EXTL1: variants seen among roughly 807,000 people sequenced by gnomAD.
The protein encoded by EXTL1 is exostosin-like 1.
Under a neutral mutation model 64.6 loss-of-function variants are expected in EXTL1, and 43 were observed. The ratio of observed to expected loss-of-function variants is 0.67; its 90% CI spans 0.52 to 0.86. The LOEUF (loss-of-function observed/expected upper bound fraction) is 0.86. EXTL1 is among the 40% of genes least tolerant of loss of function. The pLI is 0.00. For missense variants in EXTL1, 766 were observed against 879.0 expected (o/e 0.87, Z 1.62); for synonymous variants, 352 against 360.5 (o/e 0.98, Z 0.27).
chr1:26,033,941 G>GCCTTTTTTAATGAT lies in EXTL1; in HGVS notation c.1679+85_1679+86insCCTTTTTTAATGAT. On this transcript the variant is annotated intron_variant, in intron 9 of 10. Transcript: ENST00000374280. This position sits in a 1 kb window ranked among gnomAD's most constrained non-coding sequence, Gnocchi z 5.1. ...ACCCCGAACGGAGCAGAGTGGCCTA[G>GCCTTTTTTAATGAT]ACCCCAGGGATCCAGGTTCAAGGCC... 7.7e-7 allele frequency: 1 copy of GCCTTTTTTAATGAT among 1,298,862 alleles called. No homozygotes were observed. The highest frequency in any genetic ancestry group is 1.0e-6 in the Non-Finnish European group (1 of 970,572). The allele number at this position is 1,298,862 out of a possible 1,614,324, so 80.5% of individuals were successfully genotyped here. A position where few individuals can be genotyped will look rare whatever the true frequency, so the allele number is the denominator to read the frequency against.
chr1:26,032,867 T>A (rs2050302812), intron 7 of EXTL1, among the ~76,000 whole-genome samples: 1 of 152,198 alleles, frequency 6.6e-6, no homozygotes, highest in South Asian at 2.1e-4. Flanking sequence ...GCAAGTCCCT[T>A]CGTCTCTCTA....
At chr1:26,031,919 AG>A (rs1490701134) in intron 6 of EXTL1, among the ~76,000 whole-genome samples, 1 of 152,228 alleles carries the variant, frequency 6.6e-6, no homozygotes, top group Non-Finnish European at 1.5e-5. Context: ...AGCATTTTCC[AG>A]CACACAGACT....
At chr1:26,030,618 G>A in intron 4 of EXTL1, 23 bp downstream of exon 4, 1 of 1,591,734 alleles carries the variant, frequency 6.3e-7, no homozygotes, top group Non-Finnish European at 8.6e-7. Context: ...ACCTGATGGG[G>A]GTCCTGGCTC....
intron 6 of EXTL1, 89 bp downstream of exon 6, chr1:26,031,655 G>T: frequency 1.4e-6 from 1 of 694,208 alleles, no homozygotes. Context: ...CCCCAAAGAT[G>T]ACCACTATTT....
Position 26,022,569 on chromosome 1 carries a change from C to G in EXTL1, c.-78C>G, listed in dbSNP as rs1490209512. 4 of 1,284,704 alleles carry G rather than the reference C, an allele frequency of 3.1e-6. No individual in the cohort carries two copies. Among genetic ancestry groups the G allele is most frequent in the African/African-American group, 3.0e-5 (2 of 67,236 alleles). 79.6% of individuals were successfully genotyped at this position (1,284,704 alleles called of 1,614,324 possible). ...CTAGCAGGTCGGTCCCAGCTCTGGT[C>G]TCCCGCCCCAGGCCCTGCTCTTCCT... On this transcript the variant is annotated 5_prime_UTR_variant, in exon 1 of 11. Coordinates refer to ENST00000374280, the MANE Select transcript of EXTL1 (RefSeq NM_004455.3).
chr1:26,030,355 T>G, intron 3 of EXTL1, 121 bp from the exon 4 acceptor site: 1 of 565,520 alleles, frequency 1.8e-6, no homozygotes, highest in Non-Finnish European at 2.7e-6. Context: ...TTTTTTGAGA[T>G]AGGATCTTGC....
At position 26,033,853 on chromosome 1, in the gene EXTL1, A is replaced by AT. The variant is rs774187781; in HGVS notation, c.1677dup (p.Arg560Ter). On this transcript the variant is annotated frameshift_variant, in exon 9 of 11. Coordinates refer to ENST00000374280, the MANE Select transcript of EXTL1 (RefSeq NM_004455.3). LOFTEE classifies it high-confidence loss of function. The surrounding 1 kb of genome is among the most constrained non-coding windows in gnomAD (Gnocchi z 5.1). ...GTTCTCACCACAGCCGCCTTCTACC[A>AT]TAGGTACAGACCCCTACCCTGCACA... 6.2e-7 allele frequency: 1 copy of AT among 1,613,356 alleles called. No homozygotes were observed. The highest frequency in any genetic ancestry group is 1.1e-5 in the South Asian group (1 of 90,998).
rs2050322231 is a variant in EXTL1 at position 26,034,839 on chromosome 1, T to C, written c.1683T>C (p.Tyr561=). Residue 561 remains tyrosine, a synonymous_variant, in exon 10 of 11, where the codon TAT becomes TAC. Coordinates refer to ENST00000374280, the MANE Select transcript of EXTL1 (RefSeq NM_004455.3). The surrounding 1 kb of genome is among the most constrained non-coding windows in gnomAD (Gnocchi z 4.6). ...CCTGTCTTTTCCTCTTGCCCAGGTATTACCACACTCTCTTCACCCACTCCC... is the reference window on the plus strand; with the variant it reads ...CCTGTCTTTTCCTCTTGCCCAGGTACTACCACACTCTCTTCACCCACTCCC... ...VLTTAAFYHR[Y]YHTLFTHSLP... 1.2e-6 allele frequency: 2 copies of C among 1,613,518 alleles called. No homozygotes were observed. The highest frequency in any genetic ancestry group is 2.2e-5 in the South Asian group (2 of 91,042).
rs2050160324 is a variant in EXTL1, at chr1:26,022,422, C to T, written c.-225C>T. 3 of 504,340 alleles carry T rather than the reference C, an allele frequency of 5.9e-6. No homozygotes were observed. The highest frequency in any genetic ancestry group is 3.8e-5 in the Admixed American group (1 of 26,388). 31.2% of individuals were successfully genotyped at this position (504,340 alleles called of 1,614,324 possible). A position where few individuals can be genotyped will look rare whatever the true frequency, so the allele number is the denominator to read the frequency against. On this transcript the variant is annotated 5_prime_UTR_variant, in exon 1 of 11. Coordinates refer to ENST00000374280, the MANE Select transcript of EXTL1 (RefSeq NM_004455.3). Reference sequence around the variant, plus strand: ...GAGTCCTGAGAGCAGGGGGGCCAGGCCAGCAAGCTGGGTCCCACCTGGCCT... The same window carrying T: ...GAGTCCTGAGAGCAGGGGGGCCAGGTCAGCAAGCTGGGTCCCACCTGGCCT...
rs1282687192 is a variant in EXTL1 at position 26,032,460 on chromosome 1, T to C, written c.1406T>C (p.Leu469Ser). ...AGGTGGCCGGAGACAGCTGTGCCCT[T>C]GACAGTCATTGATGGGCACAGGAAG... Reference protein sequence around the residue: ...PSRWPETAVPLTVIDGHRKVS... With the variant: ...PSRWPETAVPSTVIDGHRKVS... Residue 469 changes from leucine to serine, a missense_variant, in exon 7 of 11, where the codon TTG (leucine) becomes TCG (serine). Transcript: ENST00000374280. 6.4e-7 allele frequency: 1 copy of C among 1,552,434 alleles called. No individual in the cohort carries two copies. Among genetic ancestry groups the C allele is most frequent in the East Asian group, 2.4e-5 (1 of 41,038 alleles).
chr1:26,033,431 G>T lies in EXTL1; in HGVS notation c.1518+116G>T. ...CCCAGGTCATGAGGTCCAGCCTCTT[G>T]CATTTGAAACCACCCCAGCAAGCCA... On this transcript the variant is annotated intron_variant, in intron 8 of 10. Coordinates refer to ENST00000374280, the MANE Select transcript of EXTL1 (RefSeq NM_004455.3). This position sits in a 1 kb window ranked among gnomAD's most constrained non-coding sequence, Gnocchi z 5.1. The T allele has an allele frequency of 1.1e-6, 1 of 916,992 alleles. No individual in the cohort carries two copies. Among genetic ancestry groups the T allele is most frequent in the Non-Finnish European group, 1.7e-6 (1 of 573,492 alleles). 56.8% of individuals were successfully genotyped at this position (916,992 alleles called of 1,614,324 possible). A position where few individuals can be genotyped will look rare whatever the true frequency, so the allele number is the denominator to read the frequency against.
At position 26,031,458 on chromosome 1, in the gene EXTL1, A is replaced by G; in HGVS notation, c.1235-2A>G. 2 of 1,548,598 alleles carry G rather than the reference A, an allele frequency of 1.3e-6. No homozygotes were observed. Among genetic ancestry groups the G allele is most frequent in the East Asian group, 2.4e-5 (1 of 42,548 alleles). ...CTAATAGCCTGTGTCTCATTCCCCCAGGCTCCCGCCCTGAGGGCAGATTCA... is the reference window on the plus strand; with the variant it reads ...CTAATAGCCTGTGTCTCATTCCCCCGGGCTCCCGCCCTGAGGGCAGATTCA... On this transcript the variant is annotated splice_acceptor_variant, in intron 5 of 10. Coordinates refer to ENST00000374280, the MANE Select transcript of EXTL1 (RefSeq NM_004455.3). LOFTEE classifies it high-confidence loss of function.
At position 26,035,015 on chromosome 1, in the gene EXTL1, A is replaced by AG. The variant is rs1181955620; in HGVS notation, c.1848+16dup. The stretch of plus-strand genomic sequence containing the variant: ...GAGGCTGCTCCACTGGTGAGGGCTG[A>AG]GGGGGATTGGTCGGAACTGGCAGGG... On this transcript the variant is annotated intron_variant, in intron 10 of 10. Coordinates refer to ENST00000374280, the MANE Select transcript of EXTL1 (RefSeq NM_004455.3). The surrounding 1 kb of genome is among the most constrained non-coding windows in gnomAD (Gnocchi z 5.3). 1 of 1,613,762 alleles carries AG rather than the reference A, an allele frequency of 6.2e-7. No individual in the cohort carries two copies. Among genetic ancestry groups the AG allele is most frequent in the East Asian group, 2.2e-5 (1 of 44,864 alleles).
Position 26,033,877 on chromosome 1 carries a change from C to A in EXTL1, c.1679+21C>A. ...CATAGGTACAGACCCCTACCCTGCA[C>A]AGGGATCAGAGTATCAGAGGACCAG... On this transcript the variant is annotated intron_variant, in intron 9 of 10. Transcript: ENST00000374280. The surrounding 1 kb of genome is among the most constrained non-coding windows in gnomAD (Gnocchi z 5.1). 6.2e-7 allele frequency: 1 copy of A among 1,602,302 alleles called. No homozygotes were observed. Among genetic ancestry groups the A allele is most frequent in the South Asian group, 1.1e-5 (1 of 89,914 alleles).
chr1:26,029,443 T>C (rs925249602), intron 2 of EXTL1, among the ~76,000 whole-genome samples, 157 bp downstream of exon 2: 1 of 152,158 alleles, frequency 6.6e-6, no homozygotes, highest in Non-Finnish European at 1.5e-5. Flanking sequence ...CTGCACCCTC[T>C]GCAGAACAAC....
intron 4 of EXTL1, 92 bp downstream of exon 4, chr1:26,030,687 A>AC (rs368362104): frequency 0.24 from 275,955 of 1,170,974 alleles, 8,446 homozygotes; most frequent in Non-Finnish European, 0.25. Context: ...TGTTTGGGGA[A>AC]CCCCCCCCCC....
At position 26,022,880 on chromosome 1, in the gene EXTL1, C is replaced by T. The variant is rs2050168024; in HGVS notation, c.234C>T (p.Gly78=). 6.2e-7 allele frequency: 1 copy of T among 1,614,038 alleles called. No homozygotes were observed. Among genetic ancestry groups the T allele is most frequent in the Non-Finnish European group, 8.5e-7 (1 of 1,179,998 alleles). ...AVSPPQAPHG[G]SCNWESCFDT... ...CACCTCCTCAAGCCCCTCATGGTGG[C>T]AGCTGCAACTGGGAATCTTGCTTTG... The change falls in exon 1 of 11, where the codon GGC becomes GGT. Residue 78 remains glycine (G), a synonymous_variant. Transcript: ENST00000374280.
intron 2 of EXTL1, 72 bp downstream of exon 2, chr1:26,029,358 C>A: frequency 1.6e-6 from 2 of 1,273,272 alleles, no homozygotes; most frequent in Non-Finnish European, 2.3e-6. Flanking sequence ...TACTCTGGGT[C>A]CAGGCCAATG....
chr1:26,022,883 C>T lies in EXTL1; in HGVS notation c.237C>T (p.Ser79=). 6.2e-7 allele frequency: 1 copy of T among 1,614,064 alleles called. No individual in the cohort carries two copies. The change falls in exon 1 of 11, where the codon AGC becomes AGT. Residue 79 remains serine (S), a synonymous_variant. Coordinates refer to ENST00000374280, the MANE Select transcript of EXTL1 (RefSeq NM_004455.3). ...CTCCTCAAGCCCCTCATGGTGGCAG[C>T]TGCAACTGGGAATCTTGCTTTGATA... ...VSPPQAPHGG[S]CNWESCFDTS...
Sources: gnomAD v4.1 joint callset for allele counts (sites outside exome capture counted in the v4.1 genomes callset) on GRCh38, gnomAD v4.1.1 for gene constraint, Gnocchi (gnomAD v3.1) non-coding constraint, MANE v1.5 for transcripts, NCBI Gene and HGNC (gene_info 2026-07-23, HGNC 2026-07-21) for gene names.